The following MCC variants were observed in gnomAD, a reference collection of about 807,000 sequenced individuals.
The protein encoded by MCC is MCC regulator of Wnt signaling pathway.
In MCC, 90 loss-of-function variants were observed where a neutral mutation model predicts 116.2. That is an observed-to-expected ratio of 0.77 (90% confidence interval 0.65 to 0.92). The LOEUF (loss-of-function observed/expected upper bound fraction) is 0.92. MCC is among the 40% of genes least tolerant of loss of function. The pLI is 0.00. For synonymous variants in MCC, 578 were observed against 510.5 expected (o/e 1.13, Z -1.78); for missense variants, 1,516 against 1,312.2 (o/e 1.16, Z -2.40).
intron 3 of MCC, among the ~76,000 whole-genome samples, chr5:113,293,352 C>T (rs1766584996): frequency 6.6e-6 from 1 of 152,132 alleles, no homozygotes; most frequent in Admixed American, 6.5e-5. Context: ...TCCTTTTCTT[C>T]CTCTTTCCTC....
At chr5:113,189,105 GAGACAACCTC>G (rs1170416862) in intron 3 of MCC, among the ~76,000 whole-genome samples, 1 of 152,124 alleles carries the variant, frequency 6.6e-6, no homozygotes, top group African/African-American at 2.4e-5. Context: ...GAACAGAACC[GAGACAACCTC>G]AGACTTGCTT....
At chr5:113,474,770 C>T (rs1022523000) in intron 1 of MCC, among the ~76,000 whole-genome samples, 43 of 152,108 alleles carry the variant, frequency 2.8e-4, no homozygotes, top group Non-Finnish European at 4.7e-4. Context: ...TCATCCTTTG[C>T]CTATAATAAA....
At chr5:113,408,286 T>C (rs141650413) in intron 1 of MCC, among the ~76,000 whole-genome samples, 44 of 152,288 alleles carry the variant, frequency 2.9e-4, no homozygotes, top group African/African-American at 9.6e-4. Context: ...TGTCTCAGTT[T>C]TCCTGAATTC....
At chr5:113,136,117 A>G (rs1758808975) in intron 5 of MCC, among the ~76,000 whole-genome samples, 1 of 152,238 alleles carries the variant, frequency 6.6e-6, no homozygotes, top group African/African-American at 2.4e-5. Flanking sequence ...TATACATAAA[A>G]GCAAGAATAT....
intron 5 of MCC, 121 bp downstream of exon 5, chr5:113,143,097 C>G: frequency 1.9e-6 from 2 of 1,036,920 alleles, no homozygotes; most frequent in Non-Finnish European, 2.7e-6. Flanking sequence ...TCATTATAAT[C>G]TAGTTTATAA....
At chr5:113,235,525 T>G (rs2150336527) in intron 3 of MCC, among the ~76,000 whole-genome samples, 1 of 152,334 alleles carries the variant, frequency 6.6e-6, no homozygotes, top group South Asian at 2.1e-4. Context: ...GATCCAACTC[T>G]ATCATGCATA....
chr5:113,179,458 C>T (rs1321091235), intron 3 of MCC, among the ~76,000 whole-genome samples: 1 of 152,174 alleles, frequency 6.6e-6, no homozygotes, highest in Non-Finnish European at 1.5e-5. Context: ...GCTCTGCTTT[C>T]CTCATAGAGG....
intron 3 of MCC, among the ~76,000 whole-genome samples, chr5:113,203,928 A>G (rs1227325827): frequency 3.9e-5 from 6 of 152,204 alleles, no homozygotes; most frequent in Admixed American, 3.3e-4. Flanking sequence ...AACTTTGCCC[A>G]TTCAGATTCT....
intron 3 of MCC, among the ~76,000 whole-genome samples, chr5:113,202,802 A>C (rs1762742760): frequency 6.6e-6 from 1 of 151,228 alleles, no homozygotes; most frequent in African/African-American, 2.4e-5. Context: ...AAAAAAAAAA[A>C]AACTTTTTCT....
chr5:113,101,629 C>T (rs1756415859), intron 8 of MCC, 110 bp downstream of exon 8: 1 of 1,177,860 alleles, frequency 8.5e-7, no homozygotes, highest in African/African-American at 1.5e-5. Flanking sequence ...CAGTGATTCC[C>T]AAAATTACAA....
intron 3 of MCC, among the ~76,000 whole-genome samples, chr5:113,257,535 A>C (rs1047305250): frequency 2.6e-5 from 4 of 152,186 alleles, no homozygotes; most frequent in African/African-American, 9.7e-5. Context: ...AGCCTATTAA[A>C]TAAGGGGTCT....
In MCC at chr5:113,350,075, C is replaced by A. The variant is rs562580879; in HGVS notation, c.416-9345G>T. Reference sequence around the variant, plus strand: ...CCAAAATGGAAAGATAATCCATGTTCATGGACTGGAAGAACCAATATTGTT... The same window carrying A: ...CCAAAATGGAAAGATAATCCATGTTAATGGACTGGAAGAACCAATATTGTT... On this transcript the variant is annotated intron_variant, in intron 2 of 18. Transcript: ENST00000408903. Among the ~76,000 whole-genome samples the A allele has an allele frequency of 7.3e-4, 111 of 152,148 alleles. 1 individual carries two copies. The highest frequency in any genetic ancestry group is 2.6e-3 in the African/African-American group (110 of 41,550).
chr5:113,083,237 A>C (rs1581018506), intron 10 of MCC, among the ~76,000 whole-genome samples: 1 of 151,736 alleles, frequency 6.6e-6, no homozygotes, highest in Admixed American at 6.6e-5. Flanking sequence ...CTCCTTCCCC[A>C]AGCACGTGGT....
intron 1 of MCC, among the ~76,000 whole-genome samples, chr5:113,441,170 A>G (rs540771277): frequency 6.6e-6 from 1 of 152,242 alleles, no homozygotes; most frequent in South Asian, 2.1e-4. Flanking sequence ...CCCTGTCTCT[A>G]CTAAAAATAC....
intron 3 of MCC, among the ~76,000 whole-genome samples, chr5:113,246,390 G>C (rs1305731239): frequency 6.6e-6 from 1 of 152,194 alleles, no homozygotes; most frequent in Non-Finnish European, 1.5e-5. Context: ...GGGAAGTAAA[G>C]GGGAAAAGCC....
At chr5:113,038,179 TA>T (rs58525167) in intron 17 of MCC, among the ~76,000 whole-genome samples, 11,548 of 152,132 alleles carry the variant, frequency 0.076, 613 homozygotes, top group East Asian at 0.21. Flanking sequence ...TTAACATAAA[TA>T]GGAATTCATC....
intron 3 of MCC, among the ~76,000 whole-genome samples, chr5:113,156,883 T>C (rs1159777636): frequency 1.3e-5 from 2 of 152,150 alleles, no homozygotes; most frequent in Admixed American, 1.3e-4. Flanking sequence ...TTGAGTAAAA[T>C]AATTTCACTG....
At position 113,023,354 on chromosome 5, in the gene MCC, A is replaced by G. The variant is rs1470120685; in HGVS notation, c.*3948T>C. 1 of 152,252 alleles carries G rather than the reference A, an allele frequency of 6.6e-6. No homozygotes were observed. The highest frequency in any genetic ancestry group is 2.4e-5 in the African/African-American group (1 of 41,466). The allele number at this position is 152,252 out of a possible 1,614,324, so 9.4% of individuals were successfully genotyped here. ...GTGCTCAAAGGTGAATCAAACTTGT[A>G]TATCATTCCTTGTCAAATAGGCTGT... On this transcript the variant is annotated 3_prime_UTR_variant, in exon 19 of 19. Coordinates refer to ENST00000408903, the MANE Select transcript of MCC (RefSeq NM_001085377.2).
In MCC at chr5:113,135,591, A is replaced by G. The variant is rs574289859; in HGVS notation, c.884+7627T>C. 3.3e-5 allele frequency among the ~76,000 whole-genome samples: 5 copies of G among 149,894 alleles called. No homozygotes were observed. The South Asian group carries it at 1.1e-3, about 32-fold the overall frequency. Reference sequence around the variant, plus strand: ...AAAAAAAAAAAAATTATTCTTAGGTATTTTATAATTTTTGTAGCTATTGTA... The same window carrying G: ...AAAAAAAAAAAAATTATTCTTAGGTGTTTTATAATTTTTGTAGCTATTGTA... On this transcript the variant is annotated intron_variant, in intron 5 of 18. Coordinates refer to ENST00000408903, the MANE Select transcript of MCC (RefSeq NM_001085377.2).
Sources: gnomAD v4.1 joint callset for allele counts (sites outside exome capture counted in the v4.1 genomes callset) on GRCh38, gnomAD v4.1.1 for gene constraint, MANE v1.5 for transcripts, NCBI Gene and HGNC (gene_info 2026-07-23, HGNC 2026-07-21) for gene names.